GP2: variants seen among roughly 807,000 people sequenced by gnomAD.
GP2 encodes the protein glycoprotein 2, also known as pancreatic secretory granule membrane major glycoprotein GP2.
A neutral mutation model predicts 60.8 loss-of-function variants in GP2; 58 were observed. The observed-to-expected ratio is 0.95, with a 90% CI of 0.77 to 1.19. The LOEUF (loss-of-function observed/expected upper bound fraction) is 1.19. Among genes scored for constraint, GP2 ranks in the 50% most tolerant of loss-of-function variants. The pLI is 0.00. For synonymous variants in GP2, 280 were observed against 253.4 expected (o/e 1.10, Z -1.00); for missense variants, 647 against 667.4 (o/e 0.97, Z 0.34).
intron 2 of GP2, among the ~76,000 whole-genome samples, chr16:20,324,659 C>T (rs1964480507): frequency 6.6e-6 from 1 of 152,234 alleles, no homozygotes; most frequent in Non-Finnish European, 1.5e-5. Flanking sequence ...ATAAGCCCAT[C>T]TCATCCCCAG....
intron 7 of GP2, among the ~76,000 whole-genome samples, chr16:20,317,806 C>T (rs987580101): frequency 6.6e-5 from 10 of 152,154 alleles, no homozygotes; most frequent in Admixed American, 6.5e-4. Flanking sequence ...TATAGAAATG[C>T]ATTTTTCCCT....
At chr16:20,327,358 A>G (rs1964563675) in intron 1 of GP2, 109 bp downstream of exon 1, 1 of 699,270 alleles carries the variant, frequency 1.4e-6, no homozygotes, top group African/African-American at 1.9e-5. Flanking sequence ...GGTCCAAACT[A>G]CTTGCTGGGT....
rs1964563753 is a variant in GP2 at position 20,327,361 on chromosome 16, T to A, written c.-37+106A>T. On this transcript the variant is annotated intron_variant, in intron 1 of 10. Transcript: ENST00000302555. Reference sequence around the variant, plus strand: ...GACAATGGCCAGGGTCCAAACTACTTGCTGGGTTCTAAAAATTTCCAGAAA... The same window carrying A: ...GACAATGGCCAGGGTCCAAACTACTAGCTGGGTTCTAAAAATTTCCAGAAA... The A allele has an allele frequency of 3.8e-5, 28 of 744,926 alleles. No homozygotes were observed. The South Asian group carries it at 5.0e-4, about 13-fold the overall frequency. The allele number at this position is 744,926 out of a possible 1,614,324, so 46.1% of individuals were successfully genotyped here.
chr16:20,316,153 G>T (rs1055066066), intron 8 of GP2, 113 bp from the exon 9 acceptor site: 4 of 658,566 alleles, frequency 6.1e-6, no homozygotes, highest in Non-Finnish European at 1.1e-5. Context: ...ACTGGTTCAC[G>T]CTATGGCCCT....
intron 10 of GP2, among the ~76,000 whole-genome samples, 161 bp from the exon 11 acceptor site, chr16:20,311,442 C>G (rs1156525967): frequency 1.3e-5 from 2 of 152,204 alleles, no homozygotes; most frequent in African/African-American, 2.4e-5. Context: ...TAGAGGCAAT[C>G]TAATCACCAA....
At chr16:20,325,232 C>A (rs1010327549) in intron 2 of GP2, among the ~76,000 whole-genome samples, 1 of 152,232 alleles carries the variant, frequency 6.6e-6, no homozygotes, top group Non-Finnish European at 1.5e-5. Flanking sequence ...AAAACCACAC[C>A]TGTGAACCAG....
chr16:20,322,927 C>T lies in GP2; in HGVS notation c.588G>A (p.Glu196=). 1.2e-6 allele frequency: 2 copies of T among 1,613,490 alleles called. No homozygotes were observed. The highest frequency in any genetic ancestry group is 2.2e-5 in the South Asian group (2 of 91,064). ...KCEKACRPEE[E]CLALNSTWGC... ...CCCAGGTGCTGTTGAGGGCAAGGCA[C>T]TCCTCCTCGGGGCGGCAGGCCTTCT... Residue 196 remains glutamate, a synonymous_variant, in exon 4 of 11, where the codon GAG becomes GAA. Transcript: ENST00000302555.
In GP2 at chr16:20,319,744, T is replaced by A; in HGVS notation, c.883A>T (p.Lys295Ter). The change falls in exon 6 of 11, where the codon AAA becomes TAA. Residue 295 changes from lysine to a stop codon, truncating the protein, a stop_gained. Transcript: ENST00000302555. LOFTEE classifies it high-confidence loss of function. ...LERNQTHAIYKNTLSLVNDFI... is the reference protein window; with the variant it reads ...LERNQTHAIY ...TCATTGACCAAGGAGAGGGTGTTTT[T>A]GTAGATGGCATGGGTTTGATTTCTC... The A allele has an allele frequency of 2.5e-6, 4 of 1,613,518 alleles. No homozygotes were observed. In the South Asian group the frequency reaches 4.4e-5, roughly 18 times the overall value.
Position 20,327,451 on chromosome 16 carries a change from T to A in GP2, c.-37+16A>T, listed in dbSNP as rs1409605040. The stretch of plus-strand genomic sequence containing the variant: ...GGATTAGGAGGAAGCCTCCTGGGGC[T>A]TAAAGCAGGACTTACCTCCGATGAG... On this transcript the variant is annotated intron_variant, in intron 1 of 10. Coordinates refer to ENST00000302555, the MANE Select transcript of GP2 (RefSeq NM_001502.4). The A allele has an allele frequency of 7.8e-7, 1 of 1,283,100 alleles. No individual in the cohort carries two copies. Among genetic ancestry groups the A allele is most frequent in the Non-Finnish European group, 1.0e-6 (1 of 984,548 alleles). 79.5% of individuals were successfully genotyped at this position (1,283,100 alleles called of 1,614,324 possible).
chr16:20,315,925 C>T, intron 9 of GP2, 31 bp downstream of exon 9: 2 of 1,384,566 alleles, frequency 1.4e-6, no homozygotes, highest in Non-Finnish European at 2.1e-6. Context: ...ACTCAGCCAG[C>T]TGGTCTTGTC....
Position 20,311,244 on chromosome 16 carries a change from G to T in GP2, c.1584C>A (p.Val528=). The T allele has an allele frequency of 6.2e-7, 1 of 1,610,102 alleles. No individual in the cohort carries two copies. The highest frequency in any genetic ancestry group is 8.5e-7 in the Non-Finnish European group (1 of 1,176,450). ...GCTCTCAGAACAGCCAAGCCAGGAG[G>T]ACAGTCAGGAGGACCATAGGCCAGG... ...LVAWPMVLLT[V]LLAWLF Residue 528 remains valine (V), a synonymous_variant, in exon 11 of 11, where the codon GTC becomes GTA. Transcript: ENST00000302555.
chr16:20,323,265 G>A, intron 3 of GP2: 1 of 682,702 alleles, frequency 1.5e-6, no homozygotes, highest in Admixed American at 2.2e-5. Flanking sequence ...GGCCATGGAT[G>A]CTGGAGCTAG....
At position 20,323,487 on chromosome 16, in the gene GP2, C is replaced by T. The variant is rs572812663; in HGVS notation, c.535+329G>A. The T allele has an allele frequency of 4.6e-3, 1,164 of 253,176 alleles. 30 individuals carry two copies. Among genetic ancestry groups the T allele is most frequent in the South Asian group, 0.032 (1,089 of 34,472 alleles). The allele number at this position is 253,176 out of a possible 1,614,324, so 15.7% of individuals were successfully genotyped here. ...GTATTAGCTGTTATTTTTGCTGTAC[C>T]CCCCCCCCCTTTTTTTCAGATCAGA... On this transcript the variant is annotated intron_variant, in intron 3 of 10. Coordinates refer to ENST00000302555, the MANE Select transcript of GP2 (RefSeq NM_001502.4).
rs1429325950 is a variant in GP2, at chr16:20,311,208, T to A, written c.*15A>T. The A allele has an allele frequency of 6.3e-7, 1 of 1,581,028 alleles. No homozygotes were observed. Among genetic ancestry groups the A allele is most frequent in the South Asian group, 1.1e-5 (1 of 90,440 alleles). Reference sequence around the variant, plus strand: ...GAAGAACACAAACTTCAAGGCCAGATGCTCAGCGGAGCTCTCAGAACAGCC... The same window carrying A: ...GAAGAACACAAACTTCAAGGCCAGAAGCTCAGCGGAGCTCTCAGAACAGCC... On this transcript the variant is annotated 3_prime_UTR_variant, in exon 11 of 11. Coordinates refer to ENST00000302555, the MANE Select transcript of GP2 (RefSeq NM_001502.4).
chr16:20,313,255 CTCTCTG>C (rs1345884166), intron 10 of GP2, among the ~76,000 whole-genome samples: 7 of 64,928 alleles, frequency 1.1e-4, no homozygotes, highest in Admixed American at 3.6e-4. Flanking sequence ...CTCTCTCTGT[CTCTCTG>C]TCTCTCTCTC....
intron 10 of GP2, among the ~76,000 whole-genome samples, chr16:20,314,427 C>T (rs1964094894): frequency 6.6e-6 from 1 of 151,890 alleles, no homozygotes; most frequent in East Asian, 1.9e-4. Context: ...TTTTGTTTGC[C>T]ATCACATCTT....
intron 10 of GP2, among the ~76,000 whole-genome samples, chr16:20,313,931 G>A (rs1039772613): frequency 2.0e-5 from 3 of 152,132 alleles, no homozygotes; most frequent in Non-Finnish European, 4.4e-5. Context: ...AGGAGCCTGG[G>A]TCTTTGACAG....
chr16:20,315,938 T>A lies in GP2; in HGVS notation c.1501+18A>T, dbSNP rs778778324. 1 of 1,546,590 alleles carries A rather than the reference T, an allele frequency of 6.5e-7. No individual in the cohort carries two copies. The highest frequency in any genetic ancestry group is 8.9e-7 in the Non-Finnish European group (1 of 1,118,366). On this transcript the variant is annotated intron_variant, in intron 9 of 10. Coordinates refer to ENST00000302555, the MANE Select transcript of GP2 (RefSeq NM_001502.4). Reference sequence around the variant, plus strand: ...ACACTCAGCCAGCTGGTCTTGTCACTGGGATTTGGCCACTTACCTCTCCGA... The same window carrying A: ...ACACTCAGCCAGCTGGTCTTGTCACAGGGATTTGGCCACTTACCTCTCCGA...
At chr16:20,321,363 C>T (rs997123060) in intron 4 of GP2, among the ~76,000 whole-genome samples, 1 of 152,240 alleles carries the variant, frequency 6.6e-6, no homozygotes, top group African/African-American at 2.4e-5. Flanking sequence ...TACCAACCAC[C>T]TTCTCAAATG....
Sources: allele counts gnomAD v4.1 joint callset (sites outside exome capture counted in the v4.1 genomes callset), GRCh38; gene constraint gnomAD v4.1.1; transcripts MANE v1.5; gene names NCBI Gene and HGNC (gene_info 2026-07-23, HGNC 2026-07-21).